Variants in MISP observed in about 807,000 individuals in gnomAD.
MISP encodes the protein mitotic interactor and substrate of PLK1.
In MISP, 51 loss-of-function variants were observed where a neutral mutation model predicts 49.3. That is an observed-to-expected ratio of 1.03 (90% confidence interval 0.83 to 1.31). The LOEUF (loss-of-function observed/expected upper bound fraction) is 1.31, where lower values mean the gene tolerates loss of function less well. Ranked by LOEUF, MISP falls within the 50% of genes most tolerant of loss-of-function variation. The pLI is 0.00. For missense variants in MISP, 1,084 were observed against 935.1 expected, an observed-to-expected ratio of 1.16 and a Z score of -2.08; for synonymous variants, 444 against 392.6, an observed-to-expected ratio of 1.13 and a Z score of -1.55.
chr19:757,465 C>A lies in MISP; in HGVS notation c.519C>A (p.Pro173=), dbSNP rs78823735. 2.5e-6 allele frequency: 4 copies of A among 1,592,950 alleles called. No individual in the cohort carries two copies. Among genetic ancestry groups the A allele is most frequent in the Non-Finnish European group, 3.4e-6 (4 of 1,170,584 alleles). Residue 173 remains proline (P), a synonymous_variant, in exon 2 of 5, where the codon CCC becomes CCA. Coordinates refer to ENST00000215582, the MANE Select transcript of MISP (RefSeq NM_173481.4). ...CTGACCACGGAGACCCCAGGACCCC[C>A]GGCCCACCTCGGTCCACGCCCCTGG... ...GTPDHGDPRT[P]GPPRSTPLEE...
chr19:749,368 G>A (rs1023988857), upstream of MISP, among the ~76,000 whole-genome samples: 1 of 152,176 alleles, frequency 6.6e-6, no homozygotes, highest in African/African-American at 2.4e-5. Context: ...TAAGCTTTCC[G>A]TACCTCCGTT....
At position 758,020 on chromosome 19, in the gene MISP, GAC is replaced by G. The variant is rs761799072; in HGVS notation, c.1078_1079del (p.Gln360AlafsTer2). On this transcript the variant is annotated frameshift_variant, in exon 2 of 5. Coordinates refer to ENST00000215582, the MANE Select transcript of MISP (RefSeq NM_173481.4). LOFTEE classifies it high-confidence loss of function. The stretch of plus-strand genomic sequence containing the variant: ...ACGTGCAGCGGGACATAGTACAGGA[GAC>G]ACAGCGTGAGGAAGACCACCGGCGG... ...LYVQRDIVQE[T>X]QREEDHRREG... The G allele has an allele frequency of 6.4e-7, 1 of 1,570,684 alleles. No individual in the cohort carries two copies. Among genetic ancestry groups the G allele is most frequent in the South Asian group, 1.2e-5 (1 of 85,586 alleles).
Position 763,607 on chromosome 19 carries a change from C to A in MISP, c.*17C>A, listed in dbSNP as rs368271589. The A allele has an allele frequency of 2.1e-5, 34 of 1,590,976 alleles. No homozygotes were observed. The highest frequency in any genetic ancestry group is 2.8e-5 in the Non-Finnish European group (32 of 1,161,222). On this transcript the variant is annotated 3_prime_UTR_variant, in exon 5 of 5. Transcript: ENST00000215582. The stretch of plus-strand genomic sequence containing the variant: ...GATGACTGAGCCTCGGGATGGGGCG[C>A]CCACCCCCTGCCCTGCCCTGACCCT...
At chr19:763,470 G>C (rs1403857733) in intron 4 of MISP, 31 bp from the exon 5 acceptor site, 2 of 1,543,982 alleles carry the variant, frequency 1.3e-6, no homozygotes, top group Non-Finnish European at 1.8e-6. Context: ...GTAGGACCTG[G>C]ATCGGGGGAA....
intron 3 of MISP, among the ~76,000 whole-genome samples, chr19:760,969 A>G (rs1047330054): frequency 1.3e-5 from 2 of 151,560 alleles, no homozygotes; most frequent in African/African-American, 4.9e-5. Context: ...TTAGACATGT[A>G]ATTGTTCATG....
At position 757,009 on chromosome 19, in the gene MISP, G is replaced by C; in HGVS notation, c.63G>C (p.Leu21=). 1 of 1,603,534 alleles carries C rather than the reference G, an allele frequency of 6.2e-7. No homozygotes were observed. The change falls in exon 2 of 5, where the codon CTG becomes CTC. Residue 21 remains leucine (L), a synonymous_variant. Coordinates refer to ENST00000215582, the MANE Select transcript of MISP (RefSeq NM_173481.4). ...CTCAGGCACACCGTGGCACCGGCCT[G>C]GTGCTGGATGGAGACACCAGCTACA... is the stretch of plus-strand genomic sequence containing the variant. ...GIPQAHRGTG[L]VLDGDTSYTY... is the part of the protein sequence containing the mutation.
chr19:760,062 C>T (rs1221429065), intron 3 of MISP, 23 bp downstream of exon 3: 2 of 1,612,758 alleles, frequency 1.2e-6, no homozygotes, highest in Non-Finnish European at 1.7e-6. Flanking sequence ...CCCGTCTCTG[C>T]AGAGGCCAGG....
In MISP at chr19:760,560, G is replaced by A. The variant is rs139224086; in HGVS notation, c.1911+521G>A. 886 of 154,020 alleles carry A rather than the reference G, an allele frequency of 5.8e-3. 3 individuals carry two copies. Among genetic ancestry groups the A allele is most frequent in the Middle Eastern group, 0.02 (6 of 296 alleles). The allele number at this position is 154,020 out of a possible 1,614,324, so 9.5% of individuals were successfully genotyped here. On this transcript the variant is annotated intron_variant, in intron 3 of 4. Coordinates refer to ENST00000215582, the MANE Select transcript of MISP (RefSeq NM_173481.4). ...TTTTTGTATTTTTAGTAGAGACGTG[G>A]TTTCACCATGTTAGCCAGGCTGGTC...
At chr19:763,405 C>T in intron 4 of MISP, 96 bp from the exon 5 acceptor site, 5 of 813,530 alleles carry the variant, frequency 6.1e-6, no homozygotes, top group South Asian at 4.5e-5. Context: ...TACTTTACCC[C>T]CGTTCTAGGC....
At chr19:763,445 C>A in intron 4 of MISP, 56 bp from the exon 5 acceptor site, 1 of 1,278,508 alleles carries the variant, frequency 7.8e-7, no homozygotes, top group Non-Finnish European at 1.1e-6. Flanking sequence ...TTGGAGGAGA[C>A]ATCTTGGGGG....
chr19:758,275 A>G lies in MISP; in HGVS notation c.1329A>G (p.Ala443=), dbSNP rs201380185. The G allele has an allele frequency of 6.2e-7, 1 of 1,613,922 alleles. No homozygotes were observed. Among genetic ancestry groups the G allele is most frequent in the African/African-American group, 1.3e-5 (1 of 75,068 alleles). The change falls in exon 2 of 5, where the codon GCA becomes GCG. Residue 443 remains alanine (A), a synonymous_variant. Transcript: ENST00000215582. ...TPQLEFSAFG[A]FGKPSSLSTA... ...AGCTAGAATTCTCAGCCTTCGGAGC[A>G]TTCGGCAAGCCCAGCAGTCTCTCCA...
intron 1 of MISP, among the ~76,000 whole-genome samples, chr19:753,754 G>A (rs76195223): frequency 6.6e-6 from 1 of 151,618 alleles, no homozygotes; most frequent in South Asian, 2.1e-4. Flanking sequence ...TTGGTGGCCC[G>A]GGAGCGACAG....
chr19:752,818 A>ATTCC (rs2033480719), intron 1 of MISP, among the ~76,000 whole-genome samples: 1 of 152,182 alleles, frequency 6.6e-6, no homozygotes, highest in Admixed American at 6.6e-5. Flanking sequence ...CTGGGCAAAC[A>ATTCC]TTCCTACACC....
intron 3 of MISP, 132 bp downstream of exon 3, chr19:760,171 G>C (rs2033650438): frequency 1.0e-6 from 1 of 963,080 alleles, no homozygotes; most frequent in African/African-American, 1.6e-5. Flanking sequence ...CCGTGCCTCA[G>C]TCTCCTGCAG....
chr19:758,825 G>C (rs1432882922), intron 2 of MISP, 99 bp downstream of exon 2: 8 of 972,922 alleles, frequency 8.2e-6, no homozygotes, highest in Non-Finnish European at 1.2e-5. Flanking sequence ...CAAAGGGCTG[G>C]GGTTGGGGAG....
Position 757,411 on chromosome 19 carries a change from C to A in MISP, c.465C>A (p.Ser155Arg), listed in dbSNP as rs151258719. ...AVIQGQAVRK[S>R]STVATLQGTP... ...TCCAGGGCCAGGCAGTCAGGAAGAG[C>A]AGCACCGTGGCCACGCTCCAGGGCA... The change falls in exon 2 of 5, where the codon AGC becomes AGA. Residue 155 changes from serine to arginine, a missense_variant. Ser to Arg is a moderately radical substitution (Grantham distance 110, BLOSUM62 -1). Coordinates refer to ENST00000215582, the MANE Select transcript of MISP (RefSeq NM_173481.4). The A allele has an allele frequency of 6.2e-7, 1 of 1,604,656 alleles. No individual in the cohort carries two copies. The highest frequency in any genetic ancestry group is 1.3e-5 in the African/African-American group (1 of 74,784).
chr19:760,362 T>TTA, intron 3 of MISP: 1 of 176,172 alleles, frequency 5.7e-6, no homozygotes. Context: ...CAGCATTAGT[T>TTA]TCTTTTTTTT....
In MISP at chr19:758,658, C is replaced by T. The variant is rs781678851; in HGVS notation, c.1712C>T (p.Pro571Leu). The change falls in exon 2 of 5, where the codon CCA becomes CTA. Residue 571 changes from proline to leucine, a missense_variant. Pro to Leu is a moderately conservative substitution (Grantham distance 98). Transcript: ENST00000215582. ...VAEERRNALF[P>L]EVFSPTPDEN... ...GAGGAGCGGAGAAATGCTCTCTTCCCAGAGGTCTTCTCCCCAACGCCAGAT... is the reference window on the plus strand; with the variant it reads ...GAGGAGCGGAGAAATGCTCTCTTCCTAGAGGTCTTCTCCCCAACGCCAGAT... 1.2e-6 allele frequency: 2 copies of T among 1,614,188 alleles called. No individual in the cohort carries two copies. Among genetic ancestry groups the T allele is most frequent in the Admixed American group, 1.7e-5 (1 of 60,024 alleles).
At chr19:761,050 C>T (rs1252642587) in intron 3 of MISP, among the ~76,000 whole-genome samples, 2 of 147,290 alleles carry the variant, frequency 1.4e-5, no homozygotes, top group Admixed American at 6.8e-5. Flanking sequence ...TTTAATGACA[C>T]GAGGAATATT....
Sources: gnomAD v4.1 joint callset for allele counts (sites outside exome capture counted in the v4.1 genomes callset) on GRCh38, gnomAD v4.1.1 for gene constraint, MANE v1.5 for transcripts, NCBI Gene and HGNC (gene_info 2026-07-23, HGNC 2026-07-21) for gene names.